THSD4: variants seen among roughly 807,000 people sequenced by gnomAD.
THSD4 encodes the protein thrombospondin type 1 domain containing 4, also known as thrombospondin type-1 domain-containing protein 4.
Under a neutral mutation model 119.0 loss-of-function variants are expected in THSD4, and 69 were observed. The ratio of observed to expected loss-of-function variants is 0.58; its 90% confidence interval spans 0.48 to 0.71. THSD4 has a LOEUF of 0.71. THSD4 is among the 30% of genes least tolerant of loss of function. The pLI is 0.00. For synonymous variants in THSD4, 524 were observed against 540.4 expected (o/e 0.97, Z 0.42); for missense variants, 1,393 against 1,391.1 (o/e 1.00, Z -0.02).
chr15:71,362,150 A>C (rs1438031202), intron 6 of THSD4, among the ~76,000 whole-genome samples: 2 of 152,162 alleles, frequency 1.3e-5, no homozygotes, highest in Non-Finnish European at 2.9e-5. Flanking sequence ...TTGGTGGTGC[A>C]TGCCTGTAAT....
intron 8 of THSD4, among the ~76,000 whole-genome samples, chr15:71,672,786 A>T (rs1391350929): frequency 6.6e-6 from 1 of 152,218 alleles, no homozygotes; most frequent in African/African-American, 2.4e-5. Context: ...GTGACGGATT[A>T]TGTTTATTGA....
chr15:71,100,224 T>A (rs1004751100), intron 1 of THSD4, among the ~76,000 whole-genome samples: 3 of 152,198 alleles, frequency 2.0e-5, no homozygotes, highest in African/African-American at 7.2e-5. Flanking sequence ...TTCCAACCAA[T>A]AGAATATGGT....
At chr15:71,414,755 C>T (rs924383185) in intron 7 of THSD4, among the ~76,000 whole-genome samples, 9 of 152,124 alleles carry the variant, frequency 5.9e-5, no homozygotes, top group African/African-American at 1.4e-4. Flanking sequence ...TTTACGGCAA[C>T]ACAGTTTGCA....
intron 1 of THSD4, among the ~76,000 whole-genome samples, chr15:71,124,936 G>C (rs1250802942): frequency 1.3e-5 from 2 of 152,018 alleles, no homozygotes; most frequent in African/African-American, 4.8e-5. Flanking sequence ...CCAGCTGGTG[G>C]TGTGCACCTG....
chr15:71,522,039 A>G (rs887077245), intron 7 of THSD4, among the ~76,000 whole-genome samples: 1 of 152,238 alleles, frequency 6.6e-6, no homozygotes. Flanking sequence ...TAAAATATTC[A>G]TCATCAGTTC....
chr15:71,660,732 T>C lies in THSD4; in HGVS notation c.1355T>C (p.Leu452Ser). Reference protein sequence around the residue: ...ITEMYKSNNYLALRSRSGRSI... With the variant: ...ITEMYKSNNYSALRSRSGRSI... ...GAGATGTACAAGAGCAACAACTATT[T>C]GGGTAAGCTTGGTCTTTTTCCAGAG... Residue 452 changes from leucine (L) to serine (S), a missense_variant and splice_region_variant, in exon 8 of 18, where the codon TTG becomes TCG. By Grantham distance (145) the Leu-to-Ser change is moderately radical. Transcript: ENST00000261862. 6.2e-7 allele frequency: 1 copy of C among 1,614,074 alleles called. No individual in the cohort carries two copies. Among genetic ancestry groups the C allele is most frequent in the Non-Finnish European group, 8.5e-7 (1 of 1,179,992 alleles).
chr15:71,393,589 CTCTG>C (rs2046405549), intron 6 of THSD4, among the ~76,000 whole-genome samples: 1 of 152,148 alleles, frequency 6.6e-6, no homozygotes, highest in Non-Finnish European at 1.5e-5. Flanking sequence ...ATGGCTCCTA[CTCTG>C]TCTGGCTTCC....
At position 71,720,039 on chromosome 15, in the gene THSD4, T is replaced by TTTC. The variant is rs1476139207; in HGVS notation, c.1358-8508_1358-8507insCTT. Among the ~76,000 whole-genome samples the TTTC allele has an allele frequency of 1.6e-4, 23 of 145,192 alleles. 1 individual carries two copies. Among genetic ancestry groups the TTTC allele is most frequent in the South Asian group, 2.3e-4 (1 of 4,424 alleles). ...AACATGTGCTTTTTTTTTTTTTCTT[T>TTTC]TTTTTTTTTTTTTGAGACACGGTCC... On this transcript the variant is annotated intron_variant, in intron 8 of 17. Transcript: ENST00000261862.
intron 7 of THSD4, among the ~76,000 whole-genome samples, chr15:71,442,695 T>TATATATATATATAC (rs2047126400): frequency 2.5e-5 from 3 of 118,438 alleles, no homozygotes; most frequent in African/African-American, 9.3e-5. Context: ...TATATATATA[T>TATATATATATATAC]ATATATATGA....
At chr15:71,368,469 T>G (rs2045998376) in intron 6 of THSD4, among the ~76,000 whole-genome samples, 1 of 152,224 alleles carries the variant, frequency 6.6e-6, no homozygotes. Context: ...GTATAAGGTG[T>G]AAGGAAGGGA....
chr15:71,468,185 A>G (rs769255521), intron 7 of THSD4, among the ~76,000 whole-genome samples: 12 of 152,102 alleles, frequency 7.9e-5, no homozygotes, highest in Non-Finnish European at 1.5e-4. Context: ...TCCCATGCAC[A>G]CGCTCTCTCT....
chr15:71,146,499 C>T (rs377422247), intron 2 of THSD4, among the ~76,000 whole-genome samples: 1 of 149,640 alleles, frequency 6.7e-6, no homozygotes, highest in East Asian at 2.0e-4. Context: ...CTTTCCAAAG[C>T]AATTAACTTC....
intron 17 of THSD4, among the ~76,000 whole-genome samples, chr15:71,774,279 C>G (rs1182215534): frequency 6.8e-6 from 1 of 147,450 alleles, no homozygotes; most frequent in East Asian, 2.0e-4. Context: ...CTACTGCACT[C>G]CAGCCTGAGT....
At chr15:71,325,162 C>G (rs962572612) in intron 6 of THSD4, among the ~76,000 whole-genome samples, 1 of 152,132 alleles carries the variant, frequency 6.6e-6, no homozygotes, top group Admixed American at 6.5e-5. Flanking sequence ...TATAACCAAC[C>G]CTTCTTGCTG....
intron 7 of THSD4, among the ~76,000 whole-genome samples, chr15:71,510,827 G>T (rs550426797): frequency 1.2e-4 from 18 of 152,284 alleles, no homozygotes; most frequent in African/African-American, 4.3e-4. Flanking sequence ...ACCTCAGATT[G>T]CCATCAAAGA....
chr15:71,294,930 A>AG (rs1567184703), intron 6 of THSD4, among the ~76,000 whole-genome samples: 1 of 149,120 alleles, frequency 6.7e-6, no homozygotes, highest in African/African-American at 2.6e-5. Context: ...CTGTAAAAAA[A>AG]AAAAAAAAAA....
intron 2 of THSD4, among the ~76,000 whole-genome samples, chr15:71,146,655 A>G (rs1281794059): frequency 6.6e-6 from 1 of 152,200 alleles, no homozygotes; most frequent in Non-Finnish European, 1.5e-5. Context: ...ATATGAACAC[A>G]GTACATCTGG....
chr15:71,462,863 C>T (rs528896152), intron 7 of THSD4, among the ~76,000 whole-genome samples: 14 of 152,324 alleles, frequency 9.2e-5, no homozygotes, highest in African/African-American at 3.1e-4. Context: ...TGAATGTTGT[C>T]TGTTGGCAAG....
chr15:71,229,717 G>A (rs796426232), intron 4 of THSD4, among the ~76,000 whole-genome samples: 7 of 152,178 alleles, frequency 4.6e-5, no homozygotes, highest in Admixed American at 3.3e-4. Context: ...GTAAACTCGA[G>A]TAGAGATCTC....
Sources: gnomAD v4.1 joint callset for allele counts (sites outside exome capture counted in the v4.1 genomes callset) on GRCh38, gnomAD v4.1.1 for gene constraint, MANE v1.5 for transcripts, NCBI Gene and HGNC (gene_info 2026-07-23, HGNC 2026-07-21) for gene names.